Variants in DRC11 observed in about 807,000 individuals in gnomAD.
DRC11 encodes the protein dynein regulatory complex subunit 11.
At chr2:236,418,040 C>T in the DRC11 span, among the ~76,000 whole-genome samples, 5 of 152,130 alleles carry the variant, frequency 3.3e-5, no homozygotes, top group Non-Finnish European at 4.4e-5. Context: ...AGTAAACACA[C>T]GTGTGCATGT....
At chr2:236,489,069 T>G in the DRC11 span, among the ~76,000 whole-genome samples, 6 of 143,690 alleles carry the variant, frequency 4.2e-5, no homozygotes, top group Non-Finnish European at 3.0e-5. Context: ...GGGCTCCGGG[T>G]GCATGCTGGG....
chr2:236,441,785 T>C, the DRC11 span, among the ~76,000 whole-genome samples: 1 of 152,176 alleles, frequency 6.6e-6, no homozygotes, highest in South Asian at 2.1e-4. Context: ...AAGTACAGAA[T>C]CTGAGGTTTA....
the DRC11 span, among the ~76,000 whole-genome samples, chr2:236,403,310 C>T: frequency 1.5e-4 from 22 of 151,216 alleles, no homozygotes; most frequent in African/African-American, 4.9e-4. Flanking sequence ...GCTGGAGTGG[C>T]GGGAGAGAGA....
At chr2:236,394,222 A>G in the DRC11 span, among the ~76,000 whole-genome samples, 1 of 152,168 alleles carries the variant, frequency 6.6e-6, no homozygotes, top group Admixed American at 6.5e-5. This position sits in a 1 kb window ranked among gnomAD's most constrained non-coding sequence, Gnocchi z 7.0. Context: ...GCATGCCAGC[A>G]AAGAGGAATA....
chr2:236,459,677 ATATG>A, the DRC11 span, among the ~76,000 whole-genome samples: 3 of 144,248 alleles, frequency 2.1e-5, no homozygotes, highest in African/African-American at 7.5e-5. Context: ...ATATACGTAT[ATATG>A]TATATACATA....
At chr2:236,402,781 A>C in the DRC11 span, among the ~76,000 whole-genome samples, 1 of 152,192 alleles carries the variant, frequency 6.6e-6, no homozygotes, top group Non-Finnish European at 1.5e-5. The surrounding 1 kb of genome is among the most constrained non-coding windows in gnomAD (Gnocchi z 6.0). Context: ...CTCCCAAGAG[A>C]CCCAGGCATT....
At chr2:236,404,351 C>A in the DRC11 span, among the ~76,000 whole-genome samples, 842 of 150,410 alleles carry the variant, frequency 5.6e-3, 9 homozygotes, top group African/African-American at 0.019. Context: ...GCCATAGATT[C>A]ATTGAAGTTG....
At chr2:236,361,887 G>T in the DRC11 span, among the ~76,000 whole-genome samples, 1 of 152,126 alleles carries the variant, frequency 6.6e-6, no homozygotes, top group South Asian at 2.1e-4. The surrounding 1 kb of genome is among the most constrained non-coding windows in gnomAD (Gnocchi z 5.7). Flanking sequence ...TAACTATAAA[G>T]ACATAGACAT....
the DRC11 span, among the ~76,000 whole-genome samples, chr2:236,381,924 G>A: frequency 3.3e-5 from 5 of 151,888 alleles, no homozygotes; most frequent in East Asian, 5.8e-4. This position sits in a 1 kb window ranked among gnomAD's most constrained non-coding sequence, Gnocchi z 5.8. Flanking sequence ...CCAGTCTGTA[G>A]CTTGTCTTTT....
the DRC11 span, among the ~76,000 whole-genome samples, chr2:236,443,683 T>G: frequency 6.6e-6 from 1 of 152,226 alleles, no homozygotes; most frequent in Admixed American, 6.5e-5. This position sits in a 1 kb window ranked among gnomAD's most constrained non-coding sequence, Gnocchi z 4.4. Flanking sequence ...AATGAACATA[T>G]GCGTGCAGAT....
chr2:236,325,014 A>G, the DRC11 span, among the ~76,000 whole-genome samples: 7 of 152,336 alleles, frequency 4.6e-5, no homozygotes, highest in East Asian at 1.4e-3. The surrounding 1 kb of genome is among the most constrained non-coding windows in gnomAD (Gnocchi z 4.4). Context: ...TCAGGGAGTT[A>G]ACAATTTCAG....
the DRC11 span, among the ~76,000 whole-genome samples, chr2:236,423,696 A>G: frequency 6.6e-6 from 1 of 152,204 alleles, no homozygotes; most frequent in Non-Finnish European, 1.5e-5. Flanking sequence ...CCATCCCATT[A>G]CTGGGTATAT....
At chr2:236,437,885 T>C in the DRC11 span, among the ~76,000 whole-genome samples, 5 of 146,578 alleles carry the variant, frequency 3.4e-5, no homozygotes, top group Admixed American at 6.8e-5. Flanking sequence ...TCTCCCATTT[T>C]GTAGGTTGCC....
the DRC11 span, among the ~76,000 whole-genome samples, chr2:236,420,814 A>G: frequency 1.3e-5 from 2 of 152,148 alleles, no homozygotes; most frequent in African/African-American, 4.8e-5. This position sits in a 1 kb window ranked among gnomAD's most constrained non-coding sequence, Gnocchi z 4.8. Context: ...TGCCTCAAAA[A>G]AACAAAACAA....
chr2:236,444,426 C>T, the DRC11 span, among the ~76,000 whole-genome samples: 2 of 152,240 alleles, frequency 1.3e-5, no homozygotes, highest in Non-Finnish European at 2.9e-5. Context: ...AAATAGCACG[C>T]AATGTCTTGG....
the DRC11 span, among the ~76,000 whole-genome samples, chr2:236,401,767 A>AG: frequency 7.2e-4 from 49 of 67,874 alleles, no homozygotes; most frequent in African/African-American, 2.8e-3. This position sits in a 1 kb window ranked among gnomAD's most constrained non-coding sequence, Gnocchi z 4.6. Context: ...CGGGGAAGAG[A>AG]GGGGGGAAGG....
chr2:236,383,643 T>TG, the DRC11 span, among the ~76,000 whole-genome samples: 7 of 152,000 alleles, frequency 4.6e-5, no homozygotes, highest in African/African-American at 1.4e-4. Flanking sequence ...ATTTTTTTTT[T>TG]TTTTGTTTTG....
the DRC11 span, among the ~76,000 whole-genome samples, chr2:236,418,582 A>AC: frequency 4.6e-5 from 7 of 151,374 alleles, no homozygotes; most frequent in African/African-American, 1.7e-4. Context: ...CACCATGAAG[A>AC]CCCCCCCAGT....
At chr2:236,496,981 G>C in the DRC11 span, among the ~76,000 whole-genome samples, 29,573 of 152,086 alleles carry the variant, frequency 0.19, 6,552 homozygotes, top group African/African-American at 0.53. The surrounding 1 kb of genome is among the most constrained non-coding windows in gnomAD (Gnocchi z 6.3). Flanking sequence ...GCACCAGAAA[G>C]AAAGGGAGCC....
Sources: gnomAD v4.1 joint callset for allele counts (sites outside exome capture counted in the v4.1 genomes callset) on GRCh38, gnomAD v4.1.1 for gene constraint, Gnocchi (gnomAD v3.1) non-coding constraint, MANE v1.5 for transcripts, NCBI Gene and HGNC (gene_info 2026-07-23, HGNC 2026-07-21) for gene names.